HECTD4: variants seen among roughly 807,000 people sequenced by gnomAD.
The protein encoded by HECTD4 is probable E3 ubiquitin-protein ligase HECTD4.
HECTD4 carries 114 observed loss-of-function variants against 471.5 expected under a neutral mutation model. The observed-to-expected ratio is 0.24, with a 90% CI of 0.21 to 0.28. The LOEUF is 0.28. Among genes scored for constraint, HECTD4 ranks in the 10% least tolerant of loss-of-function variants. HECTD4 has a pLI of 1.00. For synonymous variants in HECTD4, 2,012 were observed against 2,256.0 expected (o/e 0.89, Z 3.07); for missense variants, 3,866 against 5,651.5 (o/e 0.68, Z 10.13).
intron 8 of HECTD4, among the ~76,000 whole-genome samples, chr12:112,280,188 AATTTTATAGCTGTGT>A (rs1406320742): frequency 6.6e-6 from 1 of 152,242 alleles, no homozygotes; most frequent in Non-Finnish European, 1.5e-5. Flanking sequence ...ATCACAAAAC[AATTTTATAGCTGTGT>A]AATTTATTAT....
intron 1 of HECTD4, among the ~76,000 whole-genome samples, chr12:112,326,061 T>C (rs892710769): frequency 2.6e-5 from 4 of 152,098 alleles, no homozygotes; most frequent in South Asian, 2.1e-4. Context: ...AGTGATGGGA[T>C]TGCAGGCATG....
intron 72 of HECTD4, among the ~76,000 whole-genome samples, chr12:112,164,858 G>A (rs1327133844): frequency 6.6e-6 from 1 of 150,756 alleles, no homozygotes; most frequent in Non-Finnish European, 1.5e-5. Flanking sequence ...CTGACCTCAG[G>A]TGATCTACCT....
At chr12:112,185,562 G>C (rs1566064968) in intron 60 of HECTD4, 69 bp from the exon 61 acceptor site, 4 of 1,229,560 alleles carry the variant, frequency 3.3e-6, no homozygotes, top group Non-Finnish European at 4.5e-6. Flanking sequence ...GCAGTTCTGA[G>C]CCTGGAATCA....
chr12:112,162,863 C>T lies in HECTD4; in HGVS notation c.13120+179G>A. On this transcript the variant is annotated intron_variant, in intron 75 of 75. Transcript: ENST00000682272. The surrounding 1 kb of genome is among the most constrained non-coding windows in gnomAD (Gnocchi z 5.2). ...CTTCTTTTAAGATATGAGAAAGTAT[C>T]TAACAGCAGGCCTGTATGGCTGGTT... The T allele has an allele frequency of 1.7e-6, 1 of 582,092 alleles. No homozygotes were observed. The highest frequency in any genetic ancestry group is 2.4e-5 in the South Asian group (1 of 41,702). The allele number at this position is 582,092 out of a possible 1,614,324, so 36.1% of individuals were successfully genotyped here. A position where few individuals can be genotyped will look rare whatever the true frequency, so the allele number is the denominator to read the frequency against.
In HECTD4 at chr12:112,185,506, A is replaced by C. The variant is rs1315916667; in HGVS notation, c.9473-13T>G. 1 of 1,527,678 alleles carries C rather than the reference A, an allele frequency of 6.5e-7. No homozygotes were observed. Among genetic ancestry groups the C allele is most frequent in the Non-Finnish European group, 8.8e-7 (1 of 1,133,944 alleles). The allele number at this position is 1,527,678 out of a possible 1,614,324, so 94.6% of individuals were successfully genotyped here. A position where few individuals can be genotyped will look rare whatever the true frequency, so the allele number is the denominator to read the frequency against. On this transcript the variant is annotated splice_polypyrimidine_tract_variant and intron_variant, in intron 60 of 75. Transcript: ENST00000682272. Reference sequence around the variant, plus strand: ...CACAAGAAGTTTCCTGAGGCAAATGAAAATAGTAACAGTAATTACTATGCA... The same window carrying C: ...CACAAGAAGTTTCCTGAGGCAAATGCAAATAGTAACAGTAATTACTATGCA...
intron 28 of HECTD4, 138 bp downstream of exon 28, chr12:112,247,324 T>A: frequency 1.5e-6 from 1 of 674,802 alleles, no homozygotes; most frequent in Non-Finnish European, 2.4e-6. Context: ...AATTTCCAAT[T>A]TACCAAATGA....
chr12:112,221,676 C>G (rs189498938), intron 44 of HECTD4, among the ~76,000 whole-genome samples: 10 of 152,154 alleles, frequency 6.6e-5, no homozygotes, highest in Admixed American at 2.0e-4. Context: ...AATCCTAGCA[C>G]TTTGGGAGGC....
intron 7 of HECTD4, among the ~76,000 whole-genome samples, chr12:112,287,296 C>G (rs974895328): frequency 6.6e-6 from 1 of 152,052 alleles, no homozygotes; most frequent in Admixed American, 6.6e-5. Flanking sequence ...ATAAGCTCCA[C>G]GAAAACAAAA....
At chr12:112,357,260 A>G (rs2036357602) in intron 1 of HECTD4, among the ~76,000 whole-genome samples, 1 of 152,244 alleles carries the variant, frequency 6.6e-6, no homozygotes, top group Non-Finnish European at 1.5e-5. Context: ...AGGAAAAGTC[A>G]TAATAAAAAA....
At chr12:112,350,446 C>T (rs1163263665) in intron 1 of HECTD4, among the ~76,000 whole-genome samples, 1 of 152,192 alleles carries the variant, frequency 6.6e-6, no homozygotes. Context: ...GTCATGTTCT[C>T]ATAAGCTTTT....
chr12:112,178,819 A>G, intron 64 of HECTD4, 112 bp downstream of exon 64: 1 of 1,228,738 alleles, frequency 8.1e-7, no homozygotes. Context: ...ATGACAAAAA[A>G]GGCCTGACAC....
At chr12:112,267,546 A>G (rs2034306741) in intron 13 of HECTD4, among the ~76,000 whole-genome samples, 1 of 152,204 alleles carries the variant, frequency 6.6e-6, no homozygotes, top group East Asian at 1.9e-4. Context: ...CACTTCCCTG[A>G]TAAGTGGCAT....
chr12:112,302,154 G>C (rs1313695893), intron 7 of HECTD4: 3 of 1,058,448 alleles, frequency 2.8e-6, no homozygotes, highest in Non-Finnish European at 2.9e-6. Context: ...TTACAACACA[G>C]GGCAGGCAAG....
At chr12:112,181,053 G>A (rs904128921) in intron 62 of HECTD4, among the ~76,000 whole-genome samples, 4 of 151,806 alleles carry the variant, frequency 2.6e-5, no homozygotes, top group African/African-American at 9.7e-5. Context: ...AGGATTACCT[G>A]AGGTCAGGAG....
intron 1 of HECTD4, among the ~76,000 whole-genome samples, chr12:112,341,877 T>C (rs548385640): frequency 1.3e-5 from 2 of 152,330 alleles, no homozygotes; most frequent in African/African-American, 4.8e-5. Context: ...AAATTCTTGG[T>C]TGAAATGGAT....
rs141600189 is a variant in HECTD4 at position 112,181,648 on chromosome 12, C to T, written c.10987+1411G>A. ...CAGCTTATTTCATTTTTTGTAGAGA[C>T]GAGGTCTCACTATGCTGACCAGGCT... On this transcript the variant is annotated intron_variant, in intron 62 of 75. Coordinates refer to ENST00000682272, the MANE Select transcript of HECTD4 (RefSeq NM_001388303.1). Among the ~76,000 whole-genome samples, 200 of 152,268 alleles carry T rather than the reference C, an allele frequency of 1.3e-3. 1 individual carries two copies. The highest frequency in any genetic ancestry group is 4.6e-3 in the African/African-American group (191 of 41,544).
chr12:112,327,974 ATTATAT>A (rs2035779298), intron 1 of HECTD4, among the ~76,000 whole-genome samples: 1 of 152,210 alleles, frequency 6.6e-6, no homozygotes, highest in African/African-American at 2.4e-5. Context: ...AAGCAGATGA[ATTATAT>A]TACTATACTC....
chr12:112,252,398 C>T, intron 23 of HECTD4, 26 bp downstream of exon 23: 1 of 1,564,614 alleles, frequency 6.4e-7, no homozygotes, highest in South Asian at 1.2e-5. Flanking sequence ...TACATTTTGT[C>T]CACGGCAGTG....
In HECTD4 at chr12:112,250,959, C is replaced by T. The variant is rs370856923; in HGVS notation, c.3716+12G>A. The T allele has an allele frequency of 1.2e-5, 19 of 1,600,948 alleles. 1 individual carries two copies. In the African/African-American group the frequency reaches 1.3e-4, roughly 11 times the overall value. ...GCAGGCAACACTAGCTCAATTTCAA[C>T]CTTTTTGTTACCTTTGTAAAAGTTT... On this transcript the variant is annotated intron_variant, in intron 24 of 75. Coordinates refer to ENST00000682272, the MANE Select transcript of HECTD4 (RefSeq NM_001388303.1).
Sources: allele counts gnomAD v4.1 joint callset (sites outside exome capture counted in the v4.1 genomes callset), GRCh38; gene constraint gnomAD v4.1.1; non-coding constraint Gnocchi (gnomAD v3.1); transcripts MANE v1.5; gene names NCBI Gene and HGNC (gene_info 2026-07-23, HGNC 2026-07-21).